Variants in CACNA1C observed in about 807,000 individuals in gnomAD.
CACNA1C encodes calcium voltage-gated channel subunit alpha1 C.
A neutral mutation model predicts 229.0 loss-of-function variants in CACNA1C; 30 were observed. The ratio of observed to expected loss-of-function variants is 0.13; its 90% CI spans 0.10 to 0.18. The LOEUF (loss-of-function observed/expected upper bound fraction) is 0.18, where lower values mean the gene tolerates loss of function less well. Ranked by LOEUF, CACNA1C falls within the 10% of genes least tolerant of loss-of-function variation. The pLI, the probability that CACNA1C is intolerant of heterozygous loss-of-function variation, is 1.00. For missense variants in CACNA1C, 1,658 were observed against 2,845.0 expected, an observed-to-expected ratio of 0.58 and a Z score of 9.49; for synonymous variants, 1,114 against 1,132.5, an observed-to-expected ratio of 0.98 and a Z score of 0.33.
chr12:2,664,677 C>G, intron 34 of CACNA1C, 148 bp from the exon 35 acceptor site: 1 of 562,126 alleles, frequency 1.8e-6, no homozygotes, highest in Non-Finnish European at 3.0e-6. Context: ...GCAAATATAT[C>G]AGAGCATTCA....
At chr12:2,436,349 A>G (rs1188901214) in intron 3 of CACNA1C, among the ~76,000 whole-genome samples, 1 of 152,166 alleles carries the variant, frequency 6.6e-6, no homozygotes, top group African/African-American at 2.4e-5. Context: ...CCAGCTGTAG[A>G]TCTGAGGCTG....
In CACNA1C at chr12:2,137,307, G is replaced by A. The variant is rs752207333; in HGVS notation, c.477+16877G>A. 9.9e-5 allele frequency among the ~76,000 whole-genome samples: 15 copies of A among 151,172 alleles called. 1 individual carries two copies. Among genetic ancestry groups the A allele is most frequent in the Non-Finnish European group, 1.6e-4 (11 of 67,606 alleles). On this transcript the variant is annotated intron_variant, in intron 3 of 46. Coordinates refer to ENST00000399655, the MANE Select transcript of CACNA1C (RefSeq NM_000719.7). The stretch of plus-strand genomic sequence containing the variant: ...CACTTCTCTGAGTTTTAGGTTTCTC[G>A]GCTGTGAAATAAAGATAATAATTCC...
intron 1 of CACNA1C, among the ~76,000 whole-genome samples, chr12:2,044,188 T>G (rs2050681073): frequency 6.6e-6 from 1 of 152,190 alleles, no homozygotes; most frequent in Non-Finnish European, 1.5e-5. Flanking sequence ...AGATTGAAAC[T>G]TACCTTCAAG....
intron 3 of CACNA1C, among the ~76,000 whole-genome samples, chr12:2,405,797 A>G (rs2098731615): frequency 6.6e-6 from 1 of 152,200 alleles, no homozygotes; most frequent in Admixed American, 6.5e-5. Flanking sequence ...AAATTTAGAA[A>G]ACTCTAGAGG....
intron 3 of CACNA1C, among the ~76,000 whole-genome samples, chr12:2,272,806 G>A (rs1050229240): frequency 6.6e-6 from 1 of 152,194 alleles, no homozygotes; most frequent in Admixed American, 6.5e-5. Flanking sequence ...CTAGTGCTAC[G>A]TTACATTTAT....
chr12:2,353,744 G>T (rs1023804754), intron 3 of CACNA1C, among the ~76,000 whole-genome samples: 1 of 152,222 alleles, frequency 6.6e-6, no homozygotes, highest in South Asian at 2.1e-4. Flanking sequence ...CTGTCTGGGG[G>T]TGGGAGAGAC....
chr12:2,261,899 A>G (rs1566746671), intron 3 of CACNA1C, among the ~76,000 whole-genome samples: 1 of 152,226 alleles, frequency 6.6e-6, no homozygotes, highest in Non-Finnish European at 1.5e-5. Flanking sequence ...CAGTGAGTGG[A>G]CATTGCATCA....
chr12:2,200,893 G>A (rs931216049), intron 3 of CACNA1C, among the ~76,000 whole-genome samples: 1 of 152,146 alleles, frequency 6.6e-6, no homozygotes. Context: ...AAGGTTCTGA[G>A]GTTTAGGTTG....
At chr12:2,571,366 G>A (rs1600512280) in intron 13 of CACNA1C, among the ~76,000 whole-genome samples, 1 of 152,228 alleles carries the variant, frequency 6.6e-6, no homozygotes, top group African/African-American at 2.4e-5. Context: ...GATAATTGCC[G>A]ATTCTACTTG....
intron 3 of CACNA1C, among the ~76,000 whole-genome samples, chr12:2,415,359 G>A (rs564206671): frequency 9.2e-5 from 14 of 152,168 alleles, no homozygotes; most frequent in Non-Finnish European, 1.5e-4. Context: ...GAGCCTGGCC[G>A]GTACACTGAC....
rs1343207279 is a variant in CACNA1C, at chr12:2,287,001, GA to G, written c.478-161974del. ...ATCTAAAGTGAAGGGTGTGTGTGGA[GA>G]GGTCATGCAAGAAATTTGGAAGCTG... On this transcript the variant is annotated intron_variant, in intron 3 of 46. Coordinates refer to ENST00000399655, the MANE Select transcript of CACNA1C (RefSeq NM_000719.7). The surrounding 1 kb of genome is among the most constrained non-coding windows in gnomAD (Gnocchi z 4.6). Among the ~76,000 whole-genome samples, 1 of 152,188 alleles carries G rather than the reference GA, an allele frequency of 6.6e-6. No homozygotes were observed. The highest frequency in any genetic ancestry group is 2.4e-5 in the African/African-American group (1 of 41,456).
In CACNA1C at chr12:2,053,498, C is replaced by T. The variant is rs1166044058; in HGVS notation, c.-65C>T. On this transcript the variant is annotated 5_prime_UTR_variant, in exon 1 of 47. Transcript: ENST00000399655. The surrounding 1 kb of genome is among the most constrained non-coding windows in gnomAD (Gnocchi z 5.8). Reference sequence around the variant, plus strand: ...GGAGGAGGGATTAATCCAGACCCGCCGGGGGGTGTTTTCACATTTCTTCCT... The same window carrying T: ...GGAGGAGGGATTAATCCAGACCCGCTGGGGGGTGTTTTCACATTTCTTCCT... The T allele has an allele frequency of 1.2e-5, 19 of 1,539,052 alleles. No individual in the cohort carries two copies. Among genetic ancestry groups the T allele is most frequent in the Middle Eastern group, 1.7e-4 (1 of 5,846 alleles).
chr12:2,564,108 C>T (rs1361481526), intron 11 of CACNA1C, among the ~76,000 whole-genome samples: 2 of 152,108 alleles, frequency 1.3e-5, no homozygotes, highest in Non-Finnish European at 2.9e-5. Flanking sequence ...AGTGGAGGGC[C>T]GGTTTTCACA....
At chr12:2,004,644 T>C (rs2043035209) in intron 1 of CACNA1C, 1 of 649,898 alleles carries the variant, frequency 1.5e-6, no homozygotes, top group East Asian at 2.9e-5. Flanking sequence ...TCGTTGCCAC[T>C]GGCAACGACA....
chr12:2,584,594 G>T lies in CACNA1C; in HGVS notation c.2316G>T (p.Glu772Asp), dbSNP rs1219744448. 2 of 1,613,196 alleles carry T rather than the reference G, an allele frequency of 1.2e-6. No individual in the cohort carries two copies. Among genetic ancestry groups the T allele is most frequent in the Non-Finnish European group, 1.7e-6 (2 of 1,179,368 alleles). ...CTGCCCAAAAGGAGGAGGAAGAGGA[G>T]AAGGAGAGAAAGAAGCTGGCCAGGT... ...LTSAQKEEEE[E>D]KERKKLARTA... The change falls in exon 16 of 47, where the codon GAG (glutamate) becomes GAT (aspartate). Residue 772 changes from glutamate to aspartate, a missense_variant. Around this residue, in one of 20 missense-constraint regions of CACNA1C, gnomAD observed 121 missense variants for 128.8 expected, o/e 0.94. Coordinates refer to ENST00000399655, the MANE Select transcript of CACNA1C (RefSeq NM_000719.7).
At chr12:2,680,656 T>A (rs2097103146) in intron 42 of CACNA1C, 1 of 1,272,388 alleles carries the variant, frequency 7.9e-7, no homozygotes, top group Admixed American at 2.1e-5. Context: ...AAAGTGTCCA[T>A]CCAAGGAGCA....
In CACNA1C at chr12:2,450,768, G is replaced by A. The variant is rs2099362193; in HGVS notation, c.617+1653G>A. Among the ~76,000 whole-genome samples the A allele has an allele frequency of 2.0e-5, 3 of 152,158 alleles. No homozygotes were observed. In the South Asian group the frequency reaches 6.2e-4, roughly 32 times the overall value. ...AGTCCTGGCAGTCTGCAGAGTCAAGGTCAGAATGTCAGGAGCTCTTTATCC... is the reference window on the plus strand; with the variant it reads ...AGTCCTGGCAGTCTGCAGAGTCAAGATCAGAATGTCAGGAGCTCTTTATCC... On this transcript the variant is annotated intron_variant, in intron 4 of 46. Coordinates refer to ENST00000399655, the MANE Select transcript of CACNA1C (RefSeq NM_000719.7).
intron 3 of CACNA1C, among the ~76,000 whole-genome samples, chr12:2,135,911 T>C (rs1034660617): frequency 1.3e-5 from 2 of 149,228 alleles, no homozygotes; most frequent in African/African-American, 5.0e-5. Flanking sequence ...CCAGCCTCGC[T>C]GCCGCCTTGC....
intron 3 of CACNA1C, among the ~76,000 whole-genome samples, chr12:2,386,463 G>A (rs1345056722): frequency 1.3e-5 from 2 of 152,086 alleles, no homozygotes; most frequent in Non-Finnish European, 2.9e-5. Flanking sequence ...GCCCAAACAC[G>A]AGTGCCATGT....
Sources: allele counts gnomAD v4.1 joint callset (sites outside exome capture counted in the v4.1 genomes callset), GRCh38; gene constraint gnomAD v4.1.1; regional missense constraint gnomAD v4.1.1; non-coding constraint Gnocchi (gnomAD v3.1); transcripts MANE v1.5; gene names NCBI Gene and HGNC (gene_info 2026-07-23, HGNC 2026-07-21).